The following ZBTB17 variants were observed in gnomAD, a reference collection of about 807,000 sequenced individuals.
ZBTB17 encodes the protein zinc finger and BTB domain containing 17.
In ZBTB17, 24 loss-of-function variants were observed where a neutral mutation model predicts 85.1. That is an observed-to-expected ratio of 0.28 (90% CI 0.20 to 0.40). The LOEUF (loss-of-function observed/expected upper bound fraction) is 0.40. ZBTB17 is among the 10% of genes least tolerant of loss of function. The pLI, the probability that ZBTB17 is intolerant of heterozygous loss-of-function variation, is 1.00. For synonymous variants in ZBTB17, 464 were observed against 460.2 expected (o/e 1.01, Z -0.11); for missense variants, 743 against 1,105.1 (o/e 0.67, Z 4.65).
rs2148808540 is a variant in ZBTB17, at chr1:15,966,550, G to C, written c.-3+6489C>G. On this transcript the variant is annotated intron_variant, in intron 2 of 15. Transcript: ENST00000375743. The surrounding 1 kb of genome is among the most constrained non-coding windows in gnomAD (Gnocchi z 4.1). ...CTTTGCTTCCTTCCTTTGAAGCCCA[G>C]CCCTACGAACCATCTCTCTTCAATT... Among the ~76,000 whole-genome samples the C allele has an allele frequency of 6.6e-6, 1 of 152,208 alleles. No homozygotes were observed. Among genetic ancestry groups the C allele is most frequent in the South Asian group, 2.1e-4 (1 of 4,816 alleles).
rs757566342 is a variant in ZBTB17 at position 15,944,536 on chromosome 1, G to A, written c.1135C>T (p.Leu379=). ...KSYRLISLLN[L]HKKRHSGEAR... is the part of the protein sequence containing the mutation. The stretch of plus-strand genomic sequence containing the variant: ...TCGCCCGAGTGCCGCTTCTTGTGCA[G>A]GTTCAGCAGGCTGATGAGGCGGTAG... Residue 379 remains leucine, a synonymous_variant, in exon 9 of 16, where the codon CTG becomes TTG. Transcript: ENST00000375743. The A allele has an allele frequency of 6.3e-7, 1 of 1,596,128 alleles. No individual in the cohort carries two copies. The highest frequency in any genetic ancestry group is 1.7e-5 in the Admixed American group (1 of 58,514).
At chr1:15,944,123 G>C (rs1047702718) in intron 9 of ZBTB17, 177 bp downstream of exon 9, 1 of 1,117,070 alleles carries the variant, frequency 9.0e-7, no homozygotes, top group Admixed American at 2.0e-5. Flanking sequence ...GCCCTCCGCA[G>C]AGCAACCGGG....
At position 15,973,571 on chromosome 1, in the gene ZBTB17, C is replaced by T. The variant is rs1318677608; in HGVS notation, c.-89-446G>A. ...CAGGTGCACTTGAATGTTTTACAGG[C>T]ATCCAACTCCAACATGTTCAAAACT... is the stretch of plus-strand genomic sequence containing the variant. On this transcript the variant is annotated intron_variant, in intron 1 of 15. Transcript: ENST00000375743. The surrounding 1 kb of genome is among the most constrained non-coding windows in gnomAD (Gnocchi z 4.1). Among the ~76,000 whole-genome samples, 1 of 152,146 alleles carries T rather than the reference C, an allele frequency of 6.6e-6. No homozygotes were observed. The highest frequency in any genetic ancestry group is 6.5e-5 in the Admixed American group (1 of 15,278).
At chr1:15,974,528 T>G (rs1367001210) in intron 1 of ZBTB17, among the ~76,000 whole-genome samples, 1 of 151,378 alleles carries the variant, frequency 6.6e-6, no homozygotes, top group Non-Finnish European at 1.5e-5. Context: ...AGTCCTTAAC[T>G]AGGTTTACAA....
chr1:15,970,296 A>G (rs1185264253), intron 2 of ZBTB17: 3 of 290,632 alleles, frequency 1.0e-5, no homozygotes, highest in Admixed American at 5.3e-5. Context: ...AGATGCTCAC[A>G]TGAAACTGAT....
chr1:15,946,782 G>T lies in ZBTB17; in HGVS notation c.394+153C>A, dbSNP rs553012051. The stretch of plus-strand genomic sequence containing the variant: ...TCTGTAGGGGAAAGGCAGGCAGAGA[G>T]GCCACCCTCAGACCTGAGGCTAACC... On this transcript the variant is annotated intron_variant, in intron 4 of 15. Coordinates refer to ENST00000375743, the MANE Select transcript of ZBTB17 (RefSeq NM_003443.3). Among the ~76,000 whole-genome samples the T allele has an allele frequency of 4.6e-5, 7 of 152,360 alleles. No homozygotes were observed. In the South Asian group the frequency reaches 1.4e-3, roughly 32 times the overall value.
intron 2 of ZBTB17, among the ~76,000 whole-genome samples, chr1:15,960,480 C>A (rs552367252): frequency 1.3e-5 from 2 of 152,130 alleles, no homozygotes; most frequent in African/African-American, 4.8e-5. Flanking sequence ...CTTCTGAAAA[C>A]GGATGTAAAA....
rs192639503 is a variant in ZBTB17, at chr1:15,964,792, T to C, written c.-3+8247A>G. Among the ~76,000 whole-genome samples, 43 of 151,976 alleles carry C rather than the reference T, an allele frequency of 2.8e-4. No homozygotes were observed. The highest frequency in any genetic ancestry group is 3.4e-3 in the Middle Eastern group (1 of 294). On this transcript the variant is annotated intron_variant, in intron 2 of 15. Transcript: ENST00000375743. The surrounding 1 kb of genome is among the most constrained non-coding windows in gnomAD (Gnocchi z 4.3). ...ACACCAGTTCACCAGTTTTCTAAAA[T>C]GATGTATTTTACAAGTCAGTGTGGT...
chr1:15,943,291 G>C (rs2071437167), intron 12 of ZBTB17, 97 bp from the exon 13 acceptor site: 1 of 1,598,930 alleles, frequency 6.3e-7, no homozygotes, highest in South Asian at 1.1e-5. Context: ...ACCAGAGCCT[G>C]GGGCGTGGGC....
chr1:15,942,810 C>G, intron 13 of ZBTB17, 72 bp from the exon 14 acceptor site: 1 of 1,550,342 alleles, frequency 6.5e-7, no homozygotes. Context: ...CCCTCAATGA[C>G]TCGTTTGCCC....
chr1:15,944,052 G>A (rs1175931161), intron 9 of ZBTB17, 157 bp from the exon 10 acceptor site: 9 of 969,652 alleles, frequency 9.3e-6, no homozygotes, highest in African/African-American at 3.2e-5. Context: ...AGGTCCCAGC[G>A]GTGAGAGGTA....
At chr1:15,949,722 G>C (rs1365744318) in intron 2 of ZBTB17, among the ~76,000 whole-genome samples, 1 of 152,242 alleles carries the variant, frequency 6.6e-6, no homozygotes, top group Non-Finnish European at 1.5e-5. Context: ...CCGCAGCTCT[G>C]AAGCTGCTGT....
chr1:15,969,555 G>A (rs2072565786), intron 2 of ZBTB17: 2 of 361,734 alleles, frequency 5.5e-6, no homozygotes. Context: ...GGTCCCAGAG[G>A]CCGCTCATGG....
chr1:15,942,414 G>A lies in ZBTB17; in HGVS notation c.2045C>T (p.Pro682Leu), dbSNP rs2071399571. 1 of 1,613,332 alleles carries A rather than the reference G, an allele frequency of 6.2e-7. No homozygotes were observed. Among genetic ancestry groups the A allele is most frequent in the Non-Finnish European group, 8.5e-7 (1 of 1,179,992 alleles). ...ATCGGCTGTCACTGCAGCTCCCACC[G>A]GCACCACTGCGGGCAGAGTCGCAGG... is the stretch of plus-strand genomic sequence containing the variant. ...ATAVTQLTVV[P>L]VGAAVTADET... Residue 682 changes from proline to leucine, a missense_variant, in exon 15 of 16, where the codon CCG becomes CTG. Pro to Leu is a moderately conservative substitution (Grantham distance 98). This residue lies in a region of ZBTB17 where 321 missense variants were observed against 615.7 expected (regional missense o/e 0.52). Transcript: ENST00000375743.
At chr1:15,971,474 CTATATATATACACACACTATA>C (rs1557799773) in intron 2 of ZBTB17, among the ~76,000 whole-genome samples, 5 of 95,696 alleles carry the variant, frequency 5.2e-5, no homozygotes, top group Non-Finnish European at 9.3e-5. Flanking sequence ...TACACACACA[CTATATATATACACACACTATA>C]TATATATACA....
At chr1:15,959,292 A>C (rs1249069840) in intron 2 of ZBTB17, among the ~76,000 whole-genome samples, 1 of 152,140 alleles carries the variant, frequency 6.6e-6, no homozygotes, top group Admixed American at 6.6e-5. Context: ...CTTATTTTTA[A>C]AAGACAACGT....
At position 15,942,693 on chromosome 1, in the gene ZBTB17, C is replaced by T. The variant is rs781447823; in HGVS notation, c.1874G>A (p.Arg625Gln). 6.2e-7 allele frequency: 1 copy of T among 1,613,666 alleles called. No individual in the cohort carries two copies. The change falls in exon 14 of 16, where the codon CGG becomes CAG. Residue 625 changes from arginine (R) to glutamine (Q), a missense_variant. Arg to Gln is a conservative substitution (Grantham distance 43). Around this residue, in one of 4 missense-constraint regions of ZBTB17, gnomAD observed 321 missense variants for 615.7 expected, o/e 0.52. Transcript: ENST00000375743. ...LCDKCGRGFN[R>Q]VDNLRSHVKT... is the part of the protein sequence containing the mutation. The stretch of plus-strand genomic sequence containing the variant: ...CACGTGGGAGCGCAGGTTGTCTACC[C>T]GGTTGAAGCCACGCCCACACTTATC...
At chr1:15,975,636 C>A (rs1432783378) in intron 1 of ZBTB17, among the ~76,000 whole-genome samples, 2 of 152,052 alleles carry the variant, frequency 1.3e-5, no homozygotes, top group Non-Finnish European at 2.9e-5. Flanking sequence ...GGCCGCAGAA[C>A]GCCCACCCTC....
chr1:15,970,085 C>A, intron 2 of ZBTB17: 1 of 674,960 alleles, frequency 1.5e-6, no homozygotes, highest in South Asian at 1.5e-5. Flanking sequence ...AGTCAGAGGT[C>A]AACCTTATAA....
Sources: gnomAD v4.1 joint callset for allele counts (sites outside exome capture counted in the v4.1 genomes callset) on GRCh38, gnomAD v4.1.1 for gene constraint, gnomAD v4.1.1 regional missense constraint, Gnocchi (gnomAD v3.1) non-coding constraint, MANE v1.5 for transcripts, NCBI Gene and HGNC (gene_info 2026-07-23, HGNC 2026-07-21) for gene names.